The following ITGA11 variants were observed in gnomAD, a reference collection of about 807,000 sequenced individuals.
ITGA11 encodes the protein integrin subunit alpha 11, also known as integrin alpha-11.
A neutral mutation model predicts 141.9 loss-of-function variants in ITGA11; 97 were observed. That is an observed-to-expected ratio of 0.68 (90% CI 0.58 to 0.81). The LOEUF is 0.81. Ranked by LOEUF, ITGA11 falls within the 30% of genes least tolerant of loss-of-function variation. The pLI, the probability that ITGA11 is intolerant of heterozygous loss-of-function variation, is 0.00. For missense variants in ITGA11, 1,387 were observed against 1,559.2 expected (o/e 0.89, Z 1.86); for synonymous variants, 658 against 624.6 (o/e 1.05, Z -0.80).
intron 1 of ITGA11, among the ~76,000 whole-genome samples, chr15:68,430,181 G>T (rs1023128574): frequency 1.1e-4 from 17 of 152,178 alleles, no homozygotes; most frequent in Non-Finnish European, 2.1e-4. Flanking sequence ...TATAAGCGGA[G>T]CTCTGAGTCA....
intron 15 of ITGA11, among the ~76,000 whole-genome samples, chr15:68,330,073 A>G (rs143392509): frequency 2.0e-4 from 30 of 152,354 alleles, no homozygotes; most frequent in African/African-American, 6.7e-4. Context: ...CTCGCTCGGC[A>G]TCGGTGCTCT....
chr15:68,331,727 G>C (rs1394008892), intron 14 of ITGA11, 132 bp downstream of exon 14: 1 of 800,326 alleles, frequency 1.2e-6, no homozygotes. Flanking sequence ...GCATGGCCAG[G>C]ACAGATTGGC....
At chr15:68,409,617 A>G (rs1896726611) in intron 1 of ITGA11, among the ~76,000 whole-genome samples, 1 of 151,860 alleles carries the variant, frequency 6.6e-6, no homozygotes, top group Admixed American at 6.5e-5. Context: ...TACTCTACCT[A>G]TCAGTACTAC....
intron 1 of ITGA11, among the ~76,000 whole-genome samples, chr15:68,409,152 C>A (rs912233694): frequency 6.6e-6 from 1 of 152,170 alleles, no homozygotes; most frequent in Non-Finnish European, 1.5e-5. Flanking sequence ...CCTTTCTTCC[C>A]TTCGTCCTAC....
In ITGA11 at chr15:68,308,614, G is replaced by A. The variant is rs541373689; in HGVS notation, c.3175-918C>T. 5.9e-5 allele frequency among the ~76,000 whole-genome samples: 9 copies of A among 152,206 alleles called. No homozygotes were observed. Among genetic ancestry groups the A allele is most frequent in the South Asian group, 4.1e-4 (2 of 4,820 alleles). ...AAAAATTAGCCAGCCGTGGTGGCAC[G>A]CGCCTGTAGTCCCAACTACTTGGGA... On this transcript the variant is annotated intron_variant, in intron 26 of 29. Coordinates refer to ENST00000315757, the MANE Select transcript of ITGA11 (RefSeq NM_001004439.2). This position sits in a 1 kb window ranked among gnomAD's most constrained non-coding sequence, Gnocchi z 5.2.
rs552440480 is a variant in ITGA11, at chr15:68,322,245, C to T, written c.2323-742G>A. ...AGGGCCTTGGGGTCATTCCTTGCAA[C>T]TGGTAGGAGTCGCCGAATGCCTCAG... is the stretch of plus-strand genomic sequence containing the variant. On this transcript the variant is annotated intron_variant, in intron 18 of 29. Coordinates refer to ENST00000315757, the MANE Select transcript of ITGA11 (RefSeq NM_001004439.2). The surrounding 1 kb of genome is among the most constrained non-coding windows in gnomAD (Gnocchi z 5.6). Among the ~76,000 whole-genome samples, 2 of 152,160 alleles carry T rather than the reference C, an allele frequency of 1.3e-5. No homozygotes were observed. The highest frequency in any genetic ancestry group is 4.8e-5 in the African/African-American group (2 of 41,432).
At position 68,357,279 on chromosome 15, in the gene ITGA11, G is replaced by T. The variant is rs778041873; in HGVS notation, c.621C>A (p.Gly207=). 6.2e-7 allele frequency: 1 copy of T among 1,613,528 alleles called. No homozygotes were observed. Among genetic ancestry groups the T allele is most frequent in the Non-Finnish European group, 8.5e-7 (1 of 1,179,782 alleles). ...GGTGAAACTCATGCACCACATCTTC[G>T]CCATACTGCACAACTCCAACCTGCA... The part of the protein sequence containing the change: ...GQIQVGVVQY[G]EDVVHEFHLN... The change falls in exon 7 of 30, where the codon GGC becomes GGA. Residue 207 remains glycine, a synonymous_variant. Transcript: ENST00000315757.
intron 10 of ITGA11, among the ~76,000 whole-genome samples, chr15:68,347,549 G>A (rs1894777438): frequency 6.6e-6 from 1 of 152,046 alleles, no homozygotes; most frequent in Non-Finnish European, 1.5e-5. Flanking sequence ...AAGTCTGAGT[G>A]TGAGTGGCAT....
rs575352359 is a variant in ITGA11 at position 68,391,641 on chromosome 15, G to A, written c.164+11277C>T. Among the ~76,000 whole-genome samples, 11 of 152,276 alleles carry A rather than the reference G, an allele frequency of 7.2e-5. No homozygotes were observed. In the South Asian group the frequency reaches 1.9e-3, roughly 26 times the overall value. On this transcript the variant is annotated intron_variant, in intron 2 of 29. Transcript: ENST00000315757. ...GTTATCACAGAAAAGGCTTGGGGAG[G>A]GTAAGGTCATTTTAGGCTAGGAAAA...
At chr15:68,406,937 T>C (rs965383182) in intron 1 of ITGA11, among the ~76,000 whole-genome samples, 103 of 152,326 alleles carry the variant, frequency 6.8e-4, no homozygotes, top group African/African-American at 2.4e-3. Flanking sequence ...GGAGATTAAA[T>C]AGTTTCCCCA....
At chr15:68,343,958 C>G (rs1894653375) in intron 10 of ITGA11, among the ~76,000 whole-genome samples, 1 of 152,116 alleles carries the variant, frequency 6.6e-6, no homozygotes, top group Non-Finnish European at 1.5e-5. Context: ...AATCCGGCAG[C>G]TGGGGTGAGC....
chr15:68,312,329 G>A (rs1893417299), intron 24 of ITGA11, among the ~76,000 whole-genome samples: 1 of 152,160 alleles, frequency 6.6e-6, no homozygotes, highest in Admixed American at 6.5e-5. Context: ...CCTCCTTCCT[G>A]CTGCCTGGAA....
chr15:68,351,164 A>T, intron 8 of ITGA11, 94 bp downstream of exon 8: 1 of 1,367,310 alleles, frequency 7.3e-7, no homozygotes, highest in South Asian at 1.4e-5. Context: ...GACACTTGTG[A>T]TACTGCCTGG....
rs1035496926 is a variant in ITGA11 at position 68,331,213 on chromosome 15, T to C, written c.1771-102A>G. On this transcript the variant is annotated intron_variant, in intron 14 of 29. Transcript: ENST00000315757. Reference sequence around the variant, plus strand: ...AATCAGGAACAATAGGGAGCCTGTGTGAAACCACCAAGAAGCTTCCCCAAC... The same window carrying C: ...AATCAGGAACAATAGGGAGCCTGTGCGAAACCACCAAGAAGCTTCCCCAAC... 8.1e-6 allele frequency: 9 copies of C among 1,114,776 alleles called. No individual in the cohort carries two copies. The African/African-American group carries it at 1.2e-4, about 15-fold the overall frequency. 69.1% of individuals were successfully genotyped at this position (1,114,776 alleles called of 1,614,324 possible). A position where few individuals can be genotyped will look rare whatever the true frequency, so the allele number is the denominator to read the frequency against.
In ITGA11 at chr15:68,432,067, G is replaced by A. The variant is rs1328779441; in HGVS notation, c.-1C>T. ...CCACCAGGCCCCTGGGCAGGTCCAT[G>A]GCCCGCGGCACGGCGGCTGGGTCCG... On this transcript the variant is annotated 5_prime_UTR_variant, in exon 1 of 30. Coordinates refer to ENST00000315757, the MANE Select transcript of ITGA11 (RefSeq NM_001004439.2). 5.1e-6 allele frequency: 7 copies of A among 1,369,828 alleles called. No homozygotes were observed. The highest frequency in any genetic ancestry group is 6.6e-6 in the Non-Finnish European group (7 of 1,063,992). The allele number at this position is 1,369,828 out of a possible 1,614,324, so 84.9% of individuals were successfully genotyped here.
chr15:68,405,069 C>A (rs927529448), intron 1 of ITGA11, among the ~76,000 whole-genome samples: 1 of 152,074 alleles, frequency 6.6e-6, no homozygotes, highest in African/African-American at 2.4e-5. Flanking sequence ...GGGCACTGAC[C>A]CCCTGCTCAG....
chr15:68,397,779 T>TA (rs1896357358), intron 2 of ITGA11, among the ~76,000 whole-genome samples: 1 of 103,806 alleles, frequency 9.6e-6, no homozygotes, highest in South Asian at 2.9e-4. Flanking sequence ...ATTTAAAATA[T>TA]ATTTAAAATA....
intron 2 of ITGA11, among the ~76,000 whole-genome samples, chr15:68,400,587 T>TTATATATTATAATATATAATATATAA (rs1896446405): frequency 2.9e-5 from 3 of 102,220 alleles, no homozygotes; most frequent in Non-Finnish European, 5.6e-5. Context: ...TATATATATT[T>TTATATATTATAATATATAATATATAA]TATATATTAT....
rs905254586 is a variant in ITGA11 at position 68,302,330 on chromosome 15, C to G, written c.*729G>C. The G allele has an allele frequency of 6.6e-6, 1 of 152,478 alleles. No individual in the cohort carries two copies. Among genetic ancestry groups the G allele is most frequent in the African/African-American group, 2.4e-5 (1 of 41,442 alleles). The allele number at this position is 152,478 out of a possible 1,614,324, so 9.4% of individuals were successfully genotyped here. ...GGCAGCTGAGAGCAAGGGGCTGCAGCTGGTGGGGGAATGTGTGAGTTGCGG... is the reference window on the plus strand; with the variant it reads ...GGCAGCTGAGAGCAAGGGGCTGCAGGTGGTGGGGGAATGTGTGAGTTGCGG... On this transcript the variant is annotated 3_prime_UTR_variant, in exon 30 of 30. Transcript: ENST00000315757.
Sources: allele counts gnomAD v4.1 joint callset (sites outside exome capture counted in the v4.1 genomes callset), GRCh38; gene constraint gnomAD v4.1.1; non-coding constraint Gnocchi (gnomAD v3.1); transcripts MANE v1.5; gene names NCBI Gene and HGNC (gene_info 2026-07-23, HGNC 2026-07-21).